Variants in CPNE8 observed in about 807,000 individuals in gnomAD.
CPNE8 encodes the protein copine-8.
CPNE8 carries 45 observed loss-of-function variants against 81.5 expected under a neutral mutation model. The observed-to-expected ratio is 0.55, with a 90% CI of 0.44 to 0.71. The LOEUF is 0.71. Among genes scored for constraint, CPNE8 ranks in the 30% least tolerant of loss-of-function variants. The probability of loss-of-function intolerance (pLI) is 0.00; values close to 1 mark genes in which losing one functional copy is unlikely to be tolerated. For synonymous variants in CPNE8, 252 were observed against 226.3 expected (o/e 1.11, Z -1.02); for missense variants, 594 against 672.1 (o/e 0.88, Z 1.28).
chr12:38,708,615 C>G (rs1940172659), intron 13 of CPNE8, among the ~76,000 whole-genome samples: 1 of 152,080 alleles, frequency 6.6e-6, no homozygotes, highest in Non-Finnish European at 1.5e-5. Context: ...GGAGATCTCC[C>G]AATACATATG....
In CPNE8 at chr12:38,830,987, AGTGTTGGAG is replaced by A. The variant is rs1398386585; in HGVS notation, c.331-1541_331-1533del. Among the ~76,000 whole-genome samples, 4 of 152,306 alleles carry A rather than the reference AGTGTTGGAG, an allele frequency of 2.6e-5. No individual in the cohort carries two copies. The East Asian group carries it at 5.8e-4, about 22-fold the overall frequency. ...CACAAAAGTAAAAACTATGTTCTTCAGTGTTGGAGGTGGGGAAAGTGGGGGTGAGAAGTG... is the reference window on the plus strand; with the variant it reads ...CACAAAAGTAAAAACTATGTTCTTCAGTGGGGAAAGTGGGGGTGAGAAGTG... On this transcript the variant is annotated intron_variant, in intron 5 of 19. Coordinates refer to ENST00000331366, the MANE Select transcript of CPNE8 (RefSeq NM_153634.3).
chr12:38,823,815 T>A (rs1329918670), intron 6 of CPNE8, among the ~76,000 whole-genome samples: 1 of 152,022 alleles, frequency 6.6e-6, no homozygotes, highest in Non-Finnish European at 1.5e-5. Flanking sequence ...ATCACTGAGA[T>A]CCCTAAAGAT....
intron 11 of CPNE8, chr12:38,726,239 T>C (rs1484989061): frequency 2.8e-5 from 4 of 143,002 alleles, no homozygotes; most frequent in African/African-American, 1.0e-4. Context: ...AATCATTAAA[T>C]AAGGAAGCCC....
At chr12:38,792,392 G>C (rs1380522187) in intron 6 of CPNE8, among the ~76,000 whole-genome samples, 3 of 150,700 alleles carry the variant, frequency 2.0e-5, no homozygotes, top group East Asian at 1.9e-4. Context: ...TCAGATGAAA[G>C]AGGGGACAAT....
At chr12:38,737,946 C>T (rs963658533) in intron 10 of CPNE8, among the ~76,000 whole-genome samples, 4 of 152,084 alleles carry the variant, frequency 2.6e-5, no homozygotes, top group African/African-American at 7.2e-5. Flanking sequence ...TTTTCAATGG[C>T]GAATAGTCCC....
chr12:38,747,360 T>G (rs1941250774), intron 10 of CPNE8, among the ~76,000 whole-genome samples: 1 of 152,182 alleles, frequency 6.6e-6, no homozygotes, highest in Non-Finnish European at 1.5e-5. Context: ...GAATTTAAGT[T>G]ATTTAGCCAC....
At chr12:38,799,582 C>T in intron 6 of CPNE8, among the ~76,000 whole-genome samples, 1 of 152,204 alleles carries the variant, frequency 6.6e-6, no homozygotes, top group South Asian at 2.1e-4. Flanking sequence ...TAAATGCCCA[C>T]AAGAGAAAGC....
chr12:38,905,706 C>G, upstream of CPNE8: 2 of 1,443,672 alleles, frequency 1.4e-6, no homozygotes, highest in Admixed American at 2.5e-5. Flanking sequence ...CCGCGCAGAG[C>G]CACGAGGGAA....
At chr12:38,846,673 T>A (rs553690642) in intron 4 of CPNE8, among the ~76,000 whole-genome samples, 2 of 152,216 alleles carry the variant, frequency 1.3e-5, no homozygotes, top group East Asian at 3.9e-4. Context: ...ATAATTAACT[T>A]TCACACCAAG....
intron 10 of CPNE8, among the ~76,000 whole-genome samples, chr12:38,737,291 A>C (rs1313104791): frequency 6.6e-6 from 1 of 152,116 alleles, no homozygotes; most frequent in Non-Finnish European, 1.5e-5. Context: ...ATGGCTAAAT[A>C]AATGCAATTA....
chr12:38,772,264 A>G (rs1048142771), intron 7 of CPNE8, among the ~76,000 whole-genome samples: 19 of 152,100 alleles, frequency 1.2e-4, no homozygotes, highest in African/African-American at 4.6e-4. Flanking sequence ...AGCTAAATAA[A>G]CTTCTTTTTA....
intron 10 of CPNE8, among the ~76,000 whole-genome samples, chr12:38,740,407 G>C (rs546843158): frequency 1.3e-5 from 2 of 152,136 alleles, no homozygotes; most frequent in African/African-American, 4.8e-5. Flanking sequence ...CCTGATTGCC[G>C]TGGCCAGAAC....
At chr12:38,785,543 A>C (rs1942164800) in intron 6 of CPNE8, among the ~76,000 whole-genome samples, 2 of 152,152 alleles carry the variant, frequency 1.3e-5, no homozygotes, top group Admixed American at 1.3e-4. Context: ...GATTTTATAA[A>C]GGGGAGTTCC....
At chr12:38,811,049 C>T (rs1305626046) in intron 6 of CPNE8, among the ~76,000 whole-genome samples, 1 of 152,076 alleles carries the variant, frequency 6.6e-6, no homozygotes, top group Non-Finnish European at 1.5e-5. Context: ...CTTAACTATA[C>T]CTGTAAACTT....
At chr12:38,906,323 A>T, upstream of CPNE8, 1 of 985,286 alleles carries the variant, frequency 1.0e-6, no homozygotes, top group Non-Finnish European at 1.2e-6. Context: ...TATATGGGAC[A>T]AGTGGGGGCG....
chr12:38,729,991 G>A (rs1343304090), intron 11 of CPNE8, among the ~76,000 whole-genome samples: 1 of 152,006 alleles, frequency 6.6e-6, no homozygotes, highest in South Asian at 2.1e-4. Context: ...GGAAGAGGAG[G>A]TTGGTAAAAA....
Position 38,653,950 on chromosome 12 carries a change from C to G in CPNE8, c.1627G>C (p.Gly543Arg). The change falls in exon 20 of 20, where the codon GGA (glycine) becomes CGA (arginine). Residue 543 changes from glycine to arginine, a missense_variant. Gly to Arg is a moderately radical substitution (Grantham distance 125). Coordinates refer to ENST00000331366, the MANE Select transcript of CPNE8 (RefSeq NM_153634.3). ...EQFLSYMRAR[G>R]IKPSPAPPPY... ...GGAGGCGCAGGTGATGGCTTGATTCCTCGGGCTCTCATATAGGAGAGAAAC... is the reference window on the plus strand; with the variant it reads ...GGAGGCGCAGGTGATGGCTTGATTCGTCGGGCTCTCATATAGGAGAGAAAC... 6.2e-7 allele frequency: 1 copy of G among 1,613,564 alleles called. No individual in the cohort carries two copies. The highest frequency in any genetic ancestry group is 8.5e-7 in the Non-Finnish European group (1 of 1,179,916).
At chr12:38,881,026 CG>C (rs1229278136) in intron 1 of CPNE8, among the ~76,000 whole-genome samples, 3 of 151,602 alleles carry the variant, frequency 2.0e-5, no homozygotes, top group Non-Finnish European at 4.4e-5. Context: ...CTAGCTAACA[CG>C]GTGAAACCCC....
intron 13 of CPNE8, among the ~76,000 whole-genome samples, chr12:38,715,028 A>G (rs1940351010): frequency 6.6e-6 from 1 of 152,110 alleles, no homozygotes. Flanking sequence ...TTCTAATTGG[A>G]TTCACGAGTA....
Sources: allele counts gnomAD v4.1 joint callset (sites outside exome capture counted in the v4.1 genomes callset), GRCh38; gene constraint gnomAD v4.1.1; transcripts MANE v1.5; gene names NCBI Gene and HGNC (gene_info 2026-07-23, HGNC 2026-07-21).